Variants in RAD51B observed in about 807,000 individuals in gnomAD.
RAD51B encodes the protein RAD51 paralog B.
In RAD51B, 38 loss-of-function variants were observed where a neutral mutation model predicts 42.2. The observed-to-expected ratio is 0.90, with a 90% CI of 0.70 to 1.18. The LOEUF is 1.18. Ranked by LOEUF, RAD51B falls within the 50% of genes most tolerant of loss-of-function variation. RAD51B has a pLI of 0.00. For missense variants in RAD51B, 373 were observed against 400.7 expected, an observed-to-expected ratio of 0.93 and a Z score of 0.59; for synonymous variants, 154 against 145.2, an observed-to-expected ratio of 1.06 and a Z score of -0.43.
At chr14:67,880,511 T>C (rs773264062) in intron 5 of RAD51B, among the ~76,000 whole-genome samples, 27 of 152,200 alleles carry the variant, frequency 1.8e-4, no homozygotes, top group Non-Finnish European at 3.4e-4. Flanking sequence ...TGTGTTCTAA[T>C]AAAACTCTAT....
intron 7 of RAD51B, among the ~76,000 whole-genome samples, chr14:67,901,684 A>G (rs760248865): frequency 2.0e-5 from 3 of 152,232 alleles, no homozygotes; most frequent in Non-Finnish European, 4.4e-5. Flanking sequence ...AAAGTGGATG[A>G]TTGGATGAGG....
intron 10 of RAD51B, among the ~76,000 whole-genome samples, chr14:68,588,195 T>A (rs1477404482): frequency 6.6e-6 from 1 of 152,226 alleles, no homozygotes; most frequent in African/African-American, 2.4e-5. Context: ...GCTCCCTCTC[T>A]GAGCTTCAGT....
intron 10 of RAD51B, among the ~76,000 whole-genome samples, chr14:68,501,965 C>T (rs939516204): frequency 6.6e-5 from 10 of 152,252 alleles, no homozygotes; most frequent in Admixed American, 1.3e-4. Context: ...CTCACACAGT[C>T]CTCTGCCCTG....
At chr14:68,241,269 G>T (rs540059960) in intron 7 of RAD51B, among the ~76,000 whole-genome samples, 6 of 152,200 alleles carry the variant, frequency 3.9e-5, no homozygotes, top group African/African-American at 1.4e-4. Context: ...TCAGGCGGGC[G>T]TGGTGGCTCA....
intron 11 of RAD51B, among the ~76,000 whole-genome samples, chr14:68,669,187 T>A (rs1199738822): frequency 6.6e-6 from 1 of 152,220 alleles, no homozygotes; most frequent in Non-Finnish European, 1.5e-5. Flanking sequence ...CCTCTTGATC[T>A]CAGAGAGAGC....
intron 10 of RAD51B, among the ~76,000 whole-genome samples, chr14:68,521,885 C>T (rs1168607079): frequency 1.3e-5 from 2 of 152,160 alleles, no homozygotes; most frequent in Non-Finnish European, 1.5e-5. Context: ...CTACATTAAC[C>T]CTATGTTAAA....
chr14:67,871,873 G>A (rs1328341784), intron 5 of RAD51B, among the ~76,000 whole-genome samples: 2 of 152,156 alleles, frequency 1.3e-5, no homozygotes, highest in African/African-American at 4.8e-5. Context: ...AGAGGCCTTT[G>A]ACAAAATTCA....
At chr14:68,518,373 C>A (rs1434097507) in intron 10 of RAD51B, among the ~76,000 whole-genome samples, 1 of 152,178 alleles carries the variant, frequency 6.6e-6, no homozygotes, top group African/African-American at 2.4e-5. Context: ...TGACTGCAGG[C>A]CCCGGTCTGC....
intron 8 of RAD51B, among the ~76,000 whole-genome samples, chr14:68,390,760 A>G (rs147212710): frequency 1.1e-3 from 169 of 152,346 alleles, no homozygotes; most frequent in African/African-American, 3.8e-3. Flanking sequence ...AGGTCACAGA[A>G]TGAGTTAGTC....
intron 7 of RAD51B, among the ~76,000 whole-genome samples, chr14:68,245,058 A>G (rs985656088): frequency 6.6e-6 from 1 of 152,230 alleles, no homozygotes; most frequent in African/African-American, 2.4e-5. Context: ...AGGTGAAAAC[A>G]TCTAGGCAAA....
At chr14:67,889,272 G>C (rs1192426781) in intron 7 of RAD51B, among the ~76,000 whole-genome samples, 1 of 149,354 alleles carries the variant, frequency 6.7e-6, no homozygotes, top group East Asian at 2.0e-4. Context: ...AATTTTCCTA[G>C]CTAAATTGAT....
intron 7 of RAD51B, among the ~76,000 whole-genome samples, chr14:68,289,910 G>A (rs1217969669): frequency 6.6e-6 from 1 of 152,174 alleles, no homozygotes; most frequent in Admixed American, 6.5e-5. Context: ...GTGGAATCCT[G>A]CAATATCTGA....
At chr14:68,180,448 G>A (rs1332734929) in intron 7 of RAD51B, among the ~76,000 whole-genome samples, 1 of 152,128 alleles carries the variant, frequency 6.6e-6, no homozygotes, top group Non-Finnish European at 1.5e-5. Context: ...TTTAAGAAAA[G>A]TAGTTGACTT....
chr14:67,971,035 T>G (rs1409859903), intron 7 of RAD51B, among the ~76,000 whole-genome samples: 1 of 152,112 alleles, frequency 6.6e-6, no homozygotes, highest in Non-Finnish European at 1.5e-5. Flanking sequence ...AAGATTATAA[T>G]TTTTAAACTA....
intron 5 of RAD51B, among the ~76,000 whole-genome samples, chr14:67,865,535 C>CTTTTTT (rs34247540): frequency 3.3e-5 from 3 of 89,964 alleles, no homozygotes; most frequent in African/African-American, 4.5e-5. Context: ...CTGTGCCTGG[C>CTTTTTT]TTTTTTTTTT....
chr14:68,376,339 A>G (rs895131390), intron 8 of RAD51B, among the ~76,000 whole-genome samples: 48 of 152,228 alleles, frequency 3.2e-4, no homozygotes, highest in African/African-American at 1.0e-3. Context: ...CCCACCACCC[A>G]GCAGTATTTA....
chr14:67,999,569 A>C (rs184687399), intron 7 of RAD51B, among the ~76,000 whole-genome samples: 2 of 152,162 alleles, frequency 1.3e-5, no homozygotes, highest in African/African-American at 4.8e-5. Context: ...TTAAATCCCA[A>C]CTCCATGACT....
chr14:68,357,030 A>G (rs1389757130), intron 8 of RAD51B, among the ~76,000 whole-genome samples: 1 of 151,096 alleles, frequency 6.6e-6, no homozygotes, highest in African/African-American at 2.4e-5. Flanking sequence ...TGCCTTATGG[A>G]TTGACTCTTA....
intron 7 of RAD51B, among the ~76,000 whole-genome samples, chr14:67,896,198 T>C (rs1041514270): frequency 6.6e-6 from 1 of 152,226 alleles, no homozygotes; most frequent in African/African-American, 2.4e-5. Context: ...TTTTTCTAGT[T>C]AGGCAATTTT....
Sources: gnomAD v4.1 joint callset for allele counts (sites outside exome capture counted in the v4.1 genomes callset) on GRCh38, gnomAD v4.1.1 for gene constraint, MANE v1.5 for transcripts, NCBI Gene and HGNC (gene_info 2026-07-23, HGNC 2026-07-21) for gene names.